CADM3: variants seen among roughly 807,000 people sequenced by gnomAD.
CADM3 encodes cell adhesion molecule 3, also known as TSLC1-like 1.
In CADM3, 11 loss-of-function variants were observed where a neutral mutation model predicts 44.9. The ratio of observed to expected loss-of-function variants is 0.25; its 90% CI spans 0.15 to 0.41. The LOEUF is 0.41. Among genes scored for constraint, CADM3 ranks in the 10% least tolerant of loss-of-function variants. The probability of loss-of-function intolerance (pLI) is 1.00; values close to 1 mark genes in which losing one functional copy is unlikely to be tolerated. For synonymous variants in CADM3, 207 were observed against 205.2 expected (o/e 1.01, Z -0.08); for missense variants, 426 against 512.0 (o/e 0.83, Z 1.62).
At chr1:159,173,154 C>T (rs558955297) in intron 1 of CADM3, among the ~76,000 whole-genome samples, 55 of 149,472 alleles carry the variant, frequency 3.7e-4, no homozygotes, top group Non-Finnish European at 6.1e-4. Context: ...CAGAAAGAAC[C>T]GCAGGGGAGG....
At chr1:159,186,005 T>C (rs113676720) in intron 1 of CADM3, among the ~76,000 whole-genome samples, 10 of 152,302 alleles carry the variant, frequency 6.6e-5, no homozygotes, top group African/African-American at 2.4e-4. Flanking sequence ...TGGGGAATTA[T>C]TTCAATCTGG....
intron 1 of CADM3, 131 bp from the exon 2 acceptor site, chr1:159,191,804 CT>C: frequency 9.7e-7 from 1 of 1,030,512 alleles, no homozygotes; most frequent in Non-Finnish European, 1.4e-6. Flanking sequence ...CCCATGAAAC[CT>C]TACGGGTACA....
In CADM3 at chr1:159,171,863, G is replaced by A; in HGVS notation, c.88+10G>A. ...AACCTCTCCCAGGACGGTGAGTGAG[G>A]GAGGGGGCGGCGCCTGGGGAGGTGG... On this transcript the variant is annotated intron_variant, in intron 1 of 8. Transcript: ENST00000368125. 2 of 1,238,306 alleles carry A rather than the reference G, an allele frequency of 1.6e-6. No individual in the cohort carries two copies. The highest frequency in any genetic ancestry group is 2.0e-6 in the Non-Finnish European group (2 of 989,094). The allele number at this position is 1,238,306 out of a possible 1,614,324, so 76.7% of individuals were successfully genotyped here. A position where few individuals can be genotyped will look rare whatever the true frequency, so the allele number is the denominator to read the frequency against.
chr1:159,190,606 C>T (rs1649614938), intron 1 of CADM3, among the ~76,000 whole-genome samples: 1 of 152,214 alleles, frequency 6.6e-6, no homozygotes, highest in Non-Finnish European at 1.5e-5. Flanking sequence ...GGAACAGTCA[C>T]CCTGAACAGT....
intron 1 of CADM3, among the ~76,000 whole-genome samples, chr1:159,189,165 A>G (rs1270145645): frequency 6.6e-6 from 1 of 152,202 alleles, no homozygotes; most frequent in Non-Finnish European, 1.5e-5. Flanking sequence ...TTGTATTTAA[A>G]ATCAGGCATT....
chr1:159,192,871 G>A (rs1649732213), intron 3 of CADM3, 141 bp downstream of exon 3: 2 of 799,314 alleles, frequency 2.5e-6, no homozygotes, highest in Admixed American at 2.6e-5. Context: ...CTGGCAATGG[G>A]ATAAAATGTA....
intron 1 of CADM3, among the ~76,000 whole-genome samples, chr1:159,176,174 G>A (rs1228523951): frequency 6.6e-6 from 1 of 152,164 alleles, no homozygotes; most frequent in Admixed American, 6.5e-5. Flanking sequence ...CCAGATTCTT[G>A]TTGAAAGCAA....
intron 1 of CADM3, among the ~76,000 whole-genome samples, chr1:159,186,586 T>G (rs1260334973): frequency 6.6e-6 from 1 of 152,186 alleles, no homozygotes; most frequent in Non-Finnish European, 1.5e-5. Flanking sequence ...AAGGTACAAG[T>G]CTTTCACAAC....
At chr1:159,194,459 T>A (rs1649806867) in intron 5 of CADM3, 1 of 158,400 alleles carries the variant, frequency 6.3e-6, no homozygotes, top group South Asian at 1.9e-4. Flanking sequence ...TAACTCAGGA[T>A]TCCCAGGAAG....
rs761081342 is a variant in CADM3 at position 159,200,913 on chromosome 1, T to G, written c.1188T>G (p.Tyr396Ter). 6.2e-7 allele frequency: 1 copy of G among 1,603,576 alleles called. No individual in the cohort carries two copies. The highest frequency in any genetic ancestry group is 8.5e-7 in the Non-Finnish European group (1 of 1,174,972). ...CAGGAGGGGACGACAAGAAGGAATA[T>G]TTCATCTAGAGGCGCCTGCCCACTT... The part of the protein sequence containing the change: ...GQSGGDDKKE[Y>*]FI The change falls in exon 9 of 9, where the codon TAT (tyrosine) becomes TAG (stop). Residue 396 changes from tyrosine to a stop codon, truncating the protein, a stop_gained. Coordinates refer to ENST00000368125, the MANE Select transcript of CADM3 (RefSeq NM_001127173.3). LOFTEE classifies it high-confidence loss of function.
chr1:159,180,927 C>A (rs1305325296), intron 1 of CADM3, among the ~76,000 whole-genome samples: 1 of 152,132 alleles, frequency 6.6e-6, no homozygotes, highest in Non-Finnish European at 1.5e-5. Flanking sequence ...TAAGACAGAG[C>A]CCACTGAGAA....
chr1:159,192,738 T>A lies in CADM3; in HGVS notation c.382+8T>A. The A allele has an allele frequency of 6.2e-7, 1 of 1,609,300 alleles. No homozygotes were observed. The highest frequency in any genetic ancestry group is 8.5e-7 in the Non-Finnish European group (1 of 1,177,108). On this transcript the variant is annotated splice_region_variant and intron_variant, in intron 3 of 8. Transcript: ENST00000368125. Reference sequence around the variant, plus strand: ...CCCTCGTCACTGTGCTAGGTGAGACTCCCAAACCCCAGTGTCTCTACAGCA... The same window carrying A: ...CCCTCGTCACTGTGCTAGGTGAGACACCCAAACCCCAGTGTCTCTACAGCA...
At position 159,197,035 on chromosome 1, in the gene CADM3, G is replaced by T; in HGVS notation, c.927G>T (p.Lys309Asn). 1 of 1,614,134 alleles carries T rather than the reference G, an allele frequency of 6.2e-7. No individual in the cohort carries two copies. The change falls in exon 7 of 9, where the codon AAG becomes AAT. Residue 309 changes from lysine (K) to asparagine (N), a missense_variant. Lys to Asn is a moderately conservative substitution (Grantham distance 94). Transcript: ENST00000368125. ...CTATSNMGSY[K>N]AYYTLNVNDP... is the part of the protein sequence containing the mutation. Reference sequence around the variant, plus strand: ...CCACCAGCAACATGGGCAGCTACAAGGCCTACTACACCCTCAATGTTAATG... The same window carrying T: ...CCACCAGCAACATGGGCAGCTACAATGCCTACTACACCCTCAATGTTAATG...
At chr1:159,181,640 C>T (rs901661274) in intron 1 of CADM3, among the ~76,000 whole-genome samples, 14 of 152,192 alleles carry the variant, frequency 9.2e-5, no homozygotes, top group African/African-American at 3.4e-4. Flanking sequence ...GAGACTCTTT[C>T]GGGATCAAAT....
intron 1 of CADM3, among the ~76,000 whole-genome samples, chr1:159,175,898 T>C (rs1210093459): frequency 6.6e-6 from 1 of 152,258 alleles, no homozygotes; most frequent in Admixed American, 6.5e-5. Flanking sequence ...CATTGCTCTG[T>C]AAATTCTTAG....
In CADM3 at chr1:159,193,519, C is replaced by G; in HGVS notation, c.479C>G (p.Ala160Gly). 1 of 1,614,166 alleles carries G rather than the reference C, an allele frequency of 6.2e-7. No homozygotes were observed. The highest frequency in any genetic ancestry group is 8.5e-7 in the Non-Finnish European group (1 of 1,180,028). ...LNCQSSGSKPAARLTWRKGDQ... is the reference protein window; with the variant it reads ...LNCQSSGSKPGARLTWRKGDQ... ...TGTCAGTCTTCTGGGAGCAAGCCTG[C>G]AGCCCGGCTCACCTGGAGAAAGGGT... Residue 160 changes from alanine (A) to glycine (G), a missense_variant, in exon 4 of 9, where the codon GCA becomes GGA. By Grantham distance (60) the Ala-to-Gly change is moderately conservative (BLOSUM62 0). Around this residue, in one of 2 missense-constraint regions of CADM3, gnomAD observed 362 missense variants for 474.6 expected, o/e 0.76. Coordinates refer to ENST00000368125, the MANE Select transcript of CADM3 (RefSeq NM_001127173.3).
intron 1 of CADM3, among the ~76,000 whole-genome samples, chr1:159,173,614 G>C (rs181668089): frequency 2.0e-5 from 3 of 152,306 alleles, no homozygotes; most frequent in Admixed American, 6.5e-5. Context: ...GTGCACGACA[G>C]AGAGGCTGCT....
At chr1:159,172,541 G>T (rs965536064) in intron 1 of CADM3, among the ~76,000 whole-genome samples, 2 of 152,140 alleles carry the variant, frequency 1.3e-5, no homozygotes, top group Non-Finnish European at 2.9e-5. Context: ...GCTGGGAAAA[G>T]AAATCCGACA....
chr1:159,172,374 C>G (rs1040459617), intron 1 of CADM3, among the ~76,000 whole-genome samples: 2 of 152,148 alleles, frequency 1.3e-5, no homozygotes, highest in Non-Finnish European at 2.9e-5. Context: ...GCCCGTCCCC[C>G]ACCACCCGCG....
Sources: allele counts gnomAD v4.1 joint callset (sites outside exome capture counted in the v4.1 genomes callset), GRCh38; gene constraint gnomAD v4.1.1; regional missense constraint gnomAD v4.1.1; transcripts MANE v1.5; gene names NCBI Gene and HGNC (gene_info 2026-07-23, HGNC 2026-07-21).